ALG11: variants seen among roughly 807,000 people sequenced by gnomAD.
ALG11 encodes GDP-Man:Man(3)GlcNAc(2)-PP-Dol alpha-1,2-mannosyltransferase.
Under a neutral mutation model 38.8 loss-of-function variants are expected in ALG11, and 26 were observed. The ratio of observed to expected loss-of-function variants is 0.67; its 90% confidence interval spans 0.49 to 0.93. The LOEUF is 0.93. Among genes scored for constraint, ALG11 ranks in the 40% least tolerant of loss-of-function variants. ALG11 has a pLI of 0.00. For missense variants in ALG11, 535 were observed against 578.8 expected (o/e 0.92, Z 0.78); for synonymous variants, 199 against 211.6 (o/e 0.94, Z 0.52).
chr13:52,024,829 C>G lies in ALG11; in HGVS notation c.1099C>G (p.Gln367Glu), dbSNP rs761486382. The G allele has an allele frequency of 1.9e-6, 3 of 1,613,868 alleles. No homozygotes were observed. Among genetic ancestry groups the G allele is most frequent in the Non-Finnish European group, 1.7e-6 (2 of 1,179,848 alleles). Reference sequence around the variant, plus strand: ...AAGGCTGTCTGAGGATTTAGGAGTTCAAGAATATGTGGAATTTAAAATAAA... The same window carrying G: ...AAGGCTGTCTGAGGATTTAGGAGTTGAAGAATATGTGGAATTTAAAATAAA... Reference protein sequence around the residue: ...LRRLSEDLGVQEYVEFKINIP... With the variant: ...LRRLSEDLGVEEYVEFKINIP... Residue 367 changes from glutamine (Q) to glutamate (E), a missense_variant, in exon 3 of 4, where the codon CAA becomes GAA. Physicochemically the swap from Gln to Glu is conservative, Grantham distance 29. Transcript: ENST00000521508.
rs1455400228 is a variant in ALG11 at position 52,029,651 on chromosome 13, G to GA, written c.*1067dup. On this transcript the variant is annotated 3_prime_UTR_variant, in exon 4 of 4. Transcript: ENST00000521508. ...TCCAACTGTGGCACTGGAAGAAATG[G>GA]AAAAAATTGAAAATGCCAGAATGAT... 1.2e-6 allele frequency: 2 copies of GA among 1,614,156 alleles called. No homozygotes were observed. The highest frequency in any genetic ancestry group is 1.7e-6 in the Non-Finnish European group (2 of 1,180,020).
rs989822213 is a variant in ALG11 at position 52,031,157 on chromosome 13, G to A, written c.*2567G>A. 1.3e-6 allele frequency: 2 copies of A among 1,559,550 alleles called. No homozygotes were observed. Among genetic ancestry groups the A allele is most frequent in the East Asian group, 2.2e-5 (1 of 44,518 alleles). Reference sequence around the variant, plus strand: ...AGGGGCCCTGATTCCACTTCCTTTGGTCCAGTTTTACTCTGCTACAGGGTG... The same window carrying A: ...AGGGGCCCTGATTCCACTTCCTTTGATCCAGTTTTACTCTGCTACAGGGTG... On this transcript the variant is annotated 3_prime_UTR_variant, in exon 4 of 4. Transcript: ENST00000521508.
In ALG11 at chr13:52,030,429, A is replaced by T; in HGVS notation, c.*1839A>T. ...CAGCAGTCAGAGAGGACCCCAAATA[A>T]TCGGCCTGATGCCCCTAAGGAGAAG... On this transcript the variant is annotated 3_prime_UTR_variant, in exon 4 of 4. Transcript: ENST00000521508. 1 of 1,614,192 alleles carries T rather than the reference A, an allele frequency of 6.2e-7. No individual in the cohort carries two copies. Among genetic ancestry groups the T allele is most frequent in the Non-Finnish European group, 8.5e-7 (1 of 1,180,036 alleles).
In ALG11 at chr13:52,033,142, C is replaced by T. The variant is rs560735311; in HGVS notation, c.*4552C>T. On this transcript the variant is annotated 3_prime_UTR_variant, in exon 4 of 4. Transcript: ENST00000521508. ...TATCAGTGTTCCTAATTTGGTATTA[C>T]ATGTATTCTATTTTTTTCTGAATGA... 2 of 167,026 alleles carry T rather than the reference C, an allele frequency of 1.2e-5. No individual in the cohort carries two copies. The highest frequency in any genetic ancestry group is 2.9e-5 in the Non-Finnish European group (2 of 68,066). 10.3% of individuals were successfully genotyped at this position (167,026 alleles called of 1,614,324 possible). A position where few individuals can be genotyped will look rare whatever the true frequency, so the allele number is the denominator to read the frequency against.
Position 52,029,820 on chromosome 13 carries a change from C to T in ALG11, c.*1230C>T, listed in dbSNP as rs760127347. The stretch of plus-strand genomic sequence containing the variant: ...GAACTGACACAGAAACTCCAGGTAG[C>T]CTCTGAGAGTGAGGAAGAGGAGGGA... On this transcript the variant is annotated 3_prime_UTR_variant, in exon 4 of 4. Transcript: ENST00000521508. The T allele has an allele frequency of 3.7e-6, 6 of 1,614,176 alleles. No individual in the cohort carries two copies. Among genetic ancestry groups the T allele is most frequent in the South Asian group, 3.3e-5 (3 of 91,080 alleles).
chr13:52,030,620 G>T lies in ALG11; in HGVS notation c.*2030G>T, dbSNP rs546283537. ...TTTTGCTGGGGATGATGTCATCAGA[G>T]ATTTCTTGAAAGAGAAGAGGGAAGC... On this transcript the variant is annotated 3_prime_UTR_variant, in exon 4 of 4. Transcript: ENST00000521508. 6.2e-7 allele frequency: 1 copy of T among 1,614,202 alleles called. No homozygotes were observed. The highest frequency in any genetic ancestry group is 8.5e-7 in the Non-Finnish European group (1 of 1,180,040).
rs2140838895 is a variant in ALG11 at position 52,024,132 on chromosome 13, G to A, written c.402G>A (p.Arg134=). The A allele has an allele frequency of 6.2e-7, 1 of 1,613,976 alleles. No homozygotes were observed. The highest frequency in any genetic ancestry group is 1.7e-5 in the Admixed American group (1 of 59,986). The change falls in exon 3 of 4, where the codon AGG becomes AGA. Residue 134 remains arginine, a synonymous_variant. Transcript: ENST00000521508. ...ACCCAGTGCAGTTTGTTTTTTTAAG[G>A]AAACGCTATCTTGTGGAAGATTCAC... ...LIHPVQFVFL[R]KRYLVEDSLY... is the part of the protein sequence containing the mutation.
rs1566717605 is a variant in ALG11 at position 52,033,355 on chromosome 13, G to A, written c.*4765G>A. On this transcript the variant is annotated 3_prime_UTR_variant, in exon 4 of 4. Transcript: ENST00000521508. Reference sequence around the variant, plus strand: ...AAAGTGTGTGTTACATAGGTTTTGTGTAATAATTATTTGTAAATATTATTT... The same window carrying A: ...AAAGTGTGTGTTACATAGGTTTTGTATAATAATTATTTGTAAATATTATTT... 1 of 166,988 alleles carries A rather than the reference G, an allele frequency of 6.0e-6. No homozygotes were observed. The highest frequency in any genetic ancestry group is 1.5e-5 in the Non-Finnish European group (1 of 68,110). The allele number at this position is 166,988 out of a possible 1,614,324, so 10.3% of individuals were successfully genotyped here. A position where few individuals can be genotyped will look rare whatever the true frequency, so the allele number is the denominator to read the frequency against.
chr13:52,023,376 A>G (rs1436797553), intron 2 of ALG11: 1 of 152,176 alleles, frequency 6.6e-6, no homozygotes, highest in Non-Finnish European at 1.5e-5. Context: ...TTCTAATTCA[A>G]TAAAAAATGT....
rs532658535 is a variant in ALG11, at chr13:52,029,816, G to A, written c.*1226G>A. ...CAAAGAACTGACACAGAAACTCCAG[G>A]TAGCCTCTGAGAGTGAGGAAGAGGA... On this transcript the variant is annotated 3_prime_UTR_variant, in exon 4 of 4. Transcript: ENST00000521508. The A allele has an allele frequency of 3.7e-6, 6 of 1,614,238 alleles. No homozygotes were observed. In the South Asian group the frequency reaches 6.6e-5, roughly 18 times the overall value.
chr13:52,026,184 A>G (rs770576413), intron 3 of ALG11, among the ~76,000 whole-genome samples: 3 of 152,230 alleles, frequency 2.0e-5, no homozygotes, highest in Non-Finnish European at 4.4e-5. Context: ...GGCAGGGAAC[A>G]GTTGCCCAAG....
chr13:52,018,819 A>G (rs1057203534), intron 1 of ALG11, 94 bp from the exon 2 acceptor site: 2 of 999,974 alleles, frequency 2.0e-6, no homozygotes, highest in African/African-American at 3.3e-5. Flanking sequence ...CTTTGTTACT[A>G]ATATATAAAG....
intron 1 of ALG11, among the ~76,000 whole-genome samples, chr13:52,013,161 A>T (rs1954098484): frequency 6.6e-6 from 1 of 152,182 alleles, no homozygotes; most frequent in Non-Finnish European, 1.5e-5. Flanking sequence ...TTGTTGTTGT[A>T]GTACTACTGT....
rs199616330 is a variant in ALG11 at position 52,028,468 on chromosome 13, C to A, written c.1357C>A (p.Leu453Ile). Residue 453 changes from leucine to isoleucine, a missense_variant, in exon 4 of 4, where the codon CTT becomes ATT. Physicochemically the swap from Leu to Ile is conservative, Grantham distance 5 (BLOSUM62 2). Coordinates refer to ENST00000521508, the MANE Select transcript of ALG11 (RefSeq NM_001004127.3). ...EDYAETIAHI[L>I]SMSAEKRLQI... ...CTATGCTGAAACTATCGCTCACATT[C>A]TTTCCATGTCTGCAGAAAAGAGACT... 2.3e-5 allele frequency: 37 copies of A among 1,614,212 alleles called. No homozygotes were observed. In the East Asian group the frequency reaches 8.2e-4, roughly 36 times the overall value.
Position 52,031,071 on chromosome 13 carries a change from T to C in ALG11, c.*2481T>C, listed in dbSNP as rs1171608343. 1.9e-6 allele frequency: 3 copies of C among 1,613,250 alleles called. No homozygotes were observed. The African/African-American group carries it at 4.0e-5, about 22-fold the overall frequency. On this transcript the variant is annotated 3_prime_UTR_variant, in exon 4 of 4. Transcript: ENST00000521508. ...GTCATACAGAGGAATCCAAAACGAA[T>C]CACCACACGTCACAATAAAGAAGAA...
In ALG11 at chr13:52,028,228, C is replaced by G. The variant is rs1489323892; in HGVS notation, c.1208-91C>G. The G allele has an allele frequency of 5.3e-6, 8 of 1,502,990 alleles. No homozygotes were observed. In the Admixed American group the frequency reaches 6.9e-5, roughly 13 times the overall value. 93.1% of individuals were successfully genotyped at this position (1,502,990 alleles called of 1,614,324 possible). On this transcript the variant is annotated intron_variant, in intron 3 of 3. Transcript: ENST00000521508. ...ATTTAATTAAGTTTCTCATAAGTCC[C>G]TTAAATTTTTTGAAGATTTCTATTC...
At chr13:52,023,661 T>C (rs183711680) in intron 2 of ALG11, 2 of 157,748 alleles carry the variant, frequency 1.3e-5, no homozygotes, top group East Asian at 3.7e-4. Flanking sequence ...ACTTTTTGCT[T>C]GATTTTAACC....
intron 1 of ALG11, 140 bp from the exon 2 acceptor site, chr13:52,018,773 G>T (rs774892968): frequency 2.9e-5 from 21 of 732,854 alleles, no homozygotes; most frequent in Non-Finnish European, 4.8e-5. Flanking sequence ...TCATACTTGA[G>T]TATTTTGTTA....
At position 52,033,397 on chromosome 13, in the gene ALG11, A is replaced by T. The variant is rs1270279315; in HGVS notation, c.*4807A>T. ...ATATTATTTAGATTTGTATTTAGAC[A>T]TGATTTATATCTAATATAGATACAA... On this transcript the variant is annotated 3_prime_UTR_variant, in exon 4 of 4. Coordinates refer to ENST00000521508, the MANE Select transcript of ALG11 (RefSeq NM_001004127.3). 1 of 167,110 alleles carries T rather than the reference A, an allele frequency of 6.0e-6. No individual in the cohort carries two copies. Among genetic ancestry groups the T allele is most frequent in the Non-Finnish European group, 1.5e-5 (1 of 68,124 alleles). 10.4% of individuals were successfully genotyped at this position (167,110 alleles called of 1,614,324 possible).
Sources: gnomAD v4.1 joint callset for allele counts (sites outside exome capture counted in the v4.1 genomes callset) on GRCh38, gnomAD v4.1.1 for gene constraint, MANE v1.5 for transcripts, NCBI Gene and HGNC (gene_info 2026-07-23, HGNC 2026-07-21) for gene names.